Variants in FARS2 observed in about 807,000 individuals in gnomAD.
The protein encoded by FARS2 is phenylalanine--tRNA ligase, mitochondrial.
A neutral mutation model predicts 46.4 loss-of-function variants in FARS2; 40 were observed. The ratio of observed to expected loss-of-function variants is 0.86; its 90% confidence interval spans 0.67 to 1.12. The LOEUF is 1.12. Among genes scored for constraint, FARS2 ranks in the 50% most tolerant of loss-of-function variants. The pLI is 0.00. For missense variants in FARS2, 513 were observed against 567.9 expected, an observed-to-expected ratio of 0.90 and a Z score of 0.98; for synonymous variants, 234 against 214.9, an observed-to-expected ratio of 1.09 and a Z score of -0.78.
chr6:5,615,391 C>T (rs1775416590), intron 6 of FARS2, among the ~76,000 whole-genome samples: 1 of 152,106 alleles, frequency 6.6e-6, no homozygotes, highest in African/African-American at 2.4e-5. Context: ...CCCTTGTGTA[C>T]CTTCCATCTG....
intron 2 of FARS2, among the ~76,000 whole-genome samples, chr6:5,399,167 T>C (rs1761096454): frequency 1.5e-5 from 2 of 130,816 alleles, no homozygotes; most frequent in Admixed American, 7.9e-5. Context: ...ATTATTATTA[T>C]TATTATTATC....
At chr6:5,360,477 T>C (rs1434587392) in intron 1 of FARS2, among the ~76,000 whole-genome samples, 1 of 152,218 alleles carries the variant, frequency 6.6e-6, no homozygotes, top group Non-Finnish European at 1.5e-5. Context: ...ATTTCTATTT[T>C]AAACATCCAG....
intron 1 of FARS2, among the ~76,000 whole-genome samples, chr6:5,350,871 T>C (rs1757532957): frequency 6.6e-6 from 1 of 152,244 alleles, no homozygotes; most frequent in Admixed American, 6.5e-5. Flanking sequence ...TTCATTAAAA[T>C]AATCCCCTTC....
intron 6 of FARS2, among the ~76,000 whole-genome samples, chr6:5,648,183 C>T (rs758228637): frequency 1.3e-5 from 2 of 152,222 alleles, no homozygotes; most frequent in Non-Finnish European, 2.9e-5. Context: ...GTCACCTACT[C>T]CAAATGGGAG....
At chr6:5,555,110 G>A (rs561015682) in intron 5 of FARS2, among the ~76,000 whole-genome samples, 2 of 152,184 alleles carry the variant, frequency 1.3e-5, no homozygotes, top group South Asian at 2.1e-4. Context: ...TACTGTTCTC[G>A]TGATAGTGAG....
intron 1 of FARS2, among the ~76,000 whole-genome samples, chr6:5,279,556 A>ATGTG (rs753710952): frequency 6.1e-5 from 9 of 146,700 alleles, no homozygotes; most frequent in East Asian, 3.9e-4. Context: ...AAAAATATAA[A>ATGTG]TGTGTGTGTG....
At chr6:5,672,947 C>A (rs550931899) in intron 6 of FARS2, among the ~76,000 whole-genome samples, 1 of 152,174 alleles carries the variant, frequency 6.6e-6, no homozygotes, top group Non-Finnish European at 1.5e-5. Flanking sequence ...CTTTCTGTGA[C>A]ACCCTAGCCA....
intron 6 of FARS2, among the ~76,000 whole-genome samples, chr6:5,722,609 G>A (rs748665068): frequency 1.3e-5 from 2 of 152,220 alleles, no homozygotes; most frequent in Non-Finnish European, 2.9e-5. Context: ...CCCCTGTGCT[G>A]AGCATGGTGA....
chr6:5,589,782 G>A (rs1368472290), intron 5 of FARS2, among the ~76,000 whole-genome samples: 1 of 152,198 alleles, frequency 6.6e-6, no homozygotes, highest in Non-Finnish European at 1.5e-5. Context: ...TTTCCAAGTA[G>A]ATATTTTATT....
At chr6:5,576,941 C>G (rs1254957788) in intron 5 of FARS2, among the ~76,000 whole-genome samples, 1 of 151,906 alleles carries the variant, frequency 6.6e-6, no homozygotes, top group African/African-American at 2.4e-5. Context: ...TAGACAGTCT[C>G]TGTATTTCCT....
At chr6:5,569,928 G>A (rs906805641) in intron 5 of FARS2, among the ~76,000 whole-genome samples, 2 of 151,648 alleles carry the variant, frequency 1.3e-5, no homozygotes, top group African/African-American at 4.9e-5. Flanking sequence ...GTTGGGGAGA[G>A]AGGTAGAAGA....
At chr6:5,262,683 C>A (rs969979108) in intron 1 of FARS2, among the ~76,000 whole-genome samples, 2 of 152,182 alleles carry the variant, frequency 1.3e-5, no homozygotes, top group Non-Finnish European at 1.5e-5. Context: ...TCTTACTAAT[C>A]CTGATGCAAT....
Position 5,369,107 on chromosome 6 carries a change from G to A in FARS2, c.537G>A (p.Arg179=). ...TCCTGGTGGTGGGTGATGTCTACAG[G>A]CGTGACCAGATCGACTCCCAGCACT... is the stretch of plus-strand genomic sequence containing the variant. ...DAFLVVGDVY[R]RDQIDSQHYP... The change falls in exon 2 of 7, where the codon AGG becomes AGA. Residue 179 remains arginine, a synonymous_variant. Transcript: ENST00000274680. 1 of 1,613,668 alleles carries A rather than the reference G, an allele frequency of 6.2e-7. No individual in the cohort carries two copies. Among genetic ancestry groups the A allele is most frequent in the African/African-American group, 1.3e-5 (1 of 75,008 alleles).
chr6:5,338,858 G>A (rs1771354683), intron 1 of FARS2, among the ~76,000 whole-genome samples: 1 of 152,066 alleles, frequency 6.6e-6, no homozygotes, highest in African/African-American at 2.4e-5. Flanking sequence ...GGAACATGCA[G>A]TTTTCTTGCG....
chr6:5,718,362 A>G (rs1361635011), intron 6 of FARS2, among the ~76,000 whole-genome samples: 1 of 152,196 alleles, frequency 6.6e-6, no homozygotes, highest in Admixed American at 6.5e-5. Context: ...AACTGGGCCC[A>G]TGGTGGGATC....
At chr6:5,388,465 G>A (rs971968556) in intron 2 of FARS2, among the ~76,000 whole-genome samples, 4 of 152,024 alleles carry the variant, frequency 2.6e-5, no homozygotes, top group Non-Finnish European at 5.9e-5. Flanking sequence ...GTGTACCATC[G>A]CCAGTAATAA....
chr6:5,655,456 C>A (rs1777564499), intron 6 of FARS2, among the ~76,000 whole-genome samples: 1 of 152,192 alleles, frequency 6.6e-6, no homozygotes, highest in African/African-American at 2.4e-5. Flanking sequence ...AGCTGCAGAT[C>A]AGATGCCTGA....
intron 2 of FARS2, among the ~76,000 whole-genome samples, chr6:5,369,878 G>A (rs1428193800): frequency 7.8e-6 from 1 of 128,814 alleles, no homozygotes; most frequent in African/African-American, 3.1e-5. Flanking sequence ...ATCTTTTTTT[G>A]TTGTTTTTTT....
At chr6:5,614,195 C>G (rs945630998) in intron 6 of FARS2, among the ~76,000 whole-genome samples, 1 of 152,130 alleles carries the variant, frequency 6.6e-6, no homozygotes, top group South Asian at 2.1e-4. Flanking sequence ...AGATAAGTGA[C>G]GTGATTTGAT....
Sources: allele counts gnomAD v4.1 joint callset (sites outside exome capture counted in the v4.1 genomes callset), GRCh38; gene constraint gnomAD v4.1.1; transcripts MANE v1.5; gene names NCBI Gene and HGNC (gene_info 2026-07-23, HGNC 2026-07-21).